LMO7: variants seen among roughly 807,000 people sequenced by gnomAD.
The protein encoded by LMO7 is LIM domain only protein 7.
In LMO7, 120 loss-of-function variants were observed where a neutral mutation model predicts 206.5. That is an observed-to-expected ratio of 0.58 (90% CI 0.50 to 0.68). LMO7 has a LOEUF of 0.68. Ranked by LOEUF, LMO7 falls within the 30% of genes least tolerant of loss-of-function variation. The pLI, the probability that LMO7 is intolerant of heterozygous loss-of-function variation, is 0.00. For missense variants in LMO7, 1,959 were observed against 1,957.9 expected (o/e 1.00, Z -0.01); for synonymous variants, 706 against 681.5 (o/e 1.04, Z -0.56).
chr13:75,685,762 C>A (rs1052194133), intron 1 of LMO7, among the ~76,000 whole-genome samples: 30 of 151,914 alleles, frequency 2.0e-4, no homozygotes, highest in Admixed American at 1.9e-3. Context: ...TGAGATATAT[C>A]CACGGGCCAT....
At chr13:75,742,178 A>G (rs2139198558) in intron 3 of LMO7, among the ~76,000 whole-genome samples, 1 of 152,310 alleles carries the variant, frequency 6.6e-6, no homozygotes, top group South Asian at 2.1e-4. Context: ...GGGACGTGAA[A>G]GATCTCTACA....
At position 75,800,777 on chromosome 13, in the gene LMO7, C is replaced by T. The variant is rs2054627976; in HGVS notation, c.556C>T (p.Pro186Ser). ...CPERGEFLAP[P>S]RHHKREDSFE... ...TGAACGTGGAGAATTTCTTGCTCCT[C>T]CAAGGCACCATAAGAGAGAAGATTC... The change falls in exon 7 of 31, where the codon CCA becomes TCA. Residue 186 changes from proline to serine, a missense_variant. Coordinates refer to ENST00000377534, the MANE Select transcript of LMO7 (RefSeq NM_001306080.2). 6.2e-7 allele frequency: 1 copy of T among 1,614,096 alleles called. No individual in the cohort carries two copies. The highest frequency in any genetic ancestry group is 8.5e-7 in the Non-Finnish European group (1 of 1,179,974).
At chr13:75,775,391 G>T (rs1457487183) in intron 4 of LMO7, among the ~76,000 whole-genome samples, 1 of 151,956 alleles carries the variant, frequency 6.6e-6, no homozygotes, top group Admixed American at 6.6e-5. Flanking sequence ...TCTGGACATT[G>T]GTCCAGGCAA....
At chr13:75,664,125 G>A (rs966401637) in intron 1 of LMO7, among the ~76,000 whole-genome samples, 11 of 151,612 alleles carry the variant, frequency 7.3e-5, no homozygotes, top group East Asian at 3.9e-4. Flanking sequence ...CCACTTCCCC[G>A]TCACCACTCC....
intron 4 of LMO7, among the ~76,000 whole-genome samples, chr13:75,770,255 T>A (rs943240101): frequency 1.3e-5 from 2 of 151,526 alleles, no homozygotes; most frequent in Non-Finnish European, 2.9e-5. Flanking sequence ...TAGATATAGG[T>A]GTTTATGCCA....
chr13:75,627,070 CCTCT>C (rs1209725825), intron 2 of LMO7: 1 of 152,028 alleles, frequency 6.6e-6, no homozygotes, highest in Non-Finnish European at 1.5e-5. Context: ...TGGGTTGTTT[CCTCT>C]CTGAGTCCAA....
At chr13:75,783,331 T>C (rs1039991983) in intron 4 of LMO7, among the ~76,000 whole-genome samples, 1 of 151,782 alleles carries the variant, frequency 6.6e-6, no homozygotes, top group Non-Finnish European at 1.5e-5. Context: ...GATATGTTCC[T>C]TTTTTTTGAC....
chr13:75,849,396 A>G (rs1337208176), intron 27 of LMO7, 104 bp downstream of exon 27: 29 of 842,246 alleles, frequency 3.4e-5, no homozygotes, highest in Non-Finnish European at 5.6e-5. Flanking sequence ...AGGAACATAG[A>G]GCGAACGCTC....
At chr13:75,701,060 T>C (rs1408985520) in intron 1 of LMO7, among the ~76,000 whole-genome samples, 1 of 152,228 alleles carries the variant, frequency 6.6e-6, no homozygotes, top group African/African-American at 2.4e-5. Flanking sequence ...TTGGCTGTTA[T>C]GAACATTCAT....
chr13:75,622,182 A>G (rs2033394281), intron 1 of LMO7: 1 of 170,754 alleles, frequency 5.9e-6, no homozygotes, highest in Non-Finnish European at 1.2e-5. Flanking sequence ...TGGGGTATTC[A>G]TCCCCCTCCC....
intron 26 of LMO7, among the ~76,000 whole-genome samples, chr13:75,847,399 C>T (rs9530472): frequency 0.64 from 97,876 of 152,012 alleles, 31,972 homozygotes; most frequent in Middle Eastern, 0.71. Flanking sequence ...GTTCTGTCAG[C>T]TTCTTAGAGT....
chr13:75,806,747 T>A (rs1366049162), intron 9 of LMO7: 2 of 152,248 alleles, frequency 1.3e-5, no homozygotes. Flanking sequence ...AAGTGCATGA[T>A]GCACAACTTG....
chr13:75,691,503 G>T (rs1441192661), intron 1 of LMO7, among the ~76,000 whole-genome samples: 1 of 152,102 alleles, frequency 6.6e-6, no homozygotes, highest in Admixed American at 6.5e-5. Flanking sequence ...TGAACACTCA[G>T]GCTCCCTGTC....
At chr13:75,821,643 T>G in intron 14 of LMO7, 34 bp downstream of exon 14, 1 of 1,504,404 alleles carries the variant, frequency 6.6e-7, no homozygotes, top group Non-Finnish European at 9.1e-7. Flanking sequence ...TAGTCTGTTC[T>G]GAAGAGCAAA....
intron 3 of LMO7, among the ~76,000 whole-genome samples, chr13:75,751,405 C>G (rs1349703758): frequency 6.6e-6 from 1 of 152,048 alleles, no homozygotes; most frequent in Non-Finnish European, 1.5e-5. Flanking sequence ...TGTGATCTGT[C>G]CCGCTCAGCC....
At chr13:75,673,652 C>T (rs2039774853) in intron 1 of LMO7, among the ~76,000 whole-genome samples, 1 of 152,142 alleles carries the variant, frequency 6.6e-6, no homozygotes, top group African/African-American at 2.4e-5. Context: ...CTTCAAGCCA[C>T]TTTTAACTAG....
chr13:75,639,480 C>T (rs917307995), intron 1 of LMO7, among the ~76,000 whole-genome samples: 12 of 152,170 alleles, frequency 7.9e-5, no homozygotes, highest in Non-Finnish European at 1.8e-4. Flanking sequence ...TATGATTAAA[C>T]ACTGGTTTAA....
intron 4 of LMO7, among the ~76,000 whole-genome samples, chr13:75,772,299 C>A (rs1346285149): frequency 6.6e-6 from 1 of 151,888 alleles, no homozygotes. Flanking sequence ...TATGAATATA[C>A]CAAAAGAAGA....
chr13:75,697,794 A>C (rs1375580764), intron 1 of LMO7, among the ~76,000 whole-genome samples: 1 of 152,258 alleles, frequency 6.6e-6, no homozygotes, highest in Non-Finnish European at 1.5e-5. Context: ...GATCAACGGG[A>C]AACTAATAAT....
Sources: gnomAD v4.1 joint callset for allele counts (sites outside exome capture counted in the v4.1 genomes callset) on GRCh38, gnomAD v4.1.1 for gene constraint, MANE v1.5 for transcripts, NCBI Gene and HGNC (gene_info 2026-07-23, HGNC 2026-07-21) for gene names.